Variants in SP2 observed in about 807,000 individuals in gnomAD.
The protein encoded by SP2 is transcription factor Sp2.
In SP2, 9 loss-of-function variants were observed where a neutral mutation model predicts 50.1. The observed-to-expected ratio is 0.18, with a 90% CI of 0.11 to 0.31. SP2 has a LOEUF of 0.31. Among genes scored for constraint, SP2 ranks in the 10% least tolerant of loss-of-function variants. SP2 has a pLI of 1.00. For synonymous variants in SP2, 313 were observed against 326.6 expected, an observed-to-expected ratio of 0.96 and a Z score of 0.45; for missense variants, 581 against 806.5, an observed-to-expected ratio of 0.72 and a Z score of 3.39.
At chr17:47,921,781 T>C (rs2035467339) in intron 3 of SP2, among the ~76,000 whole-genome samples, 1 of 152,238 alleles carries the variant, frequency 6.6e-6, no homozygotes, top group Non-Finnish European at 1.5e-5. Flanking sequence ...GGGTTCCTTT[T>C]AGTGGAGCAT....
At chr17:47,906,167 T>C (rs1465767751) in intron 1 of SP2, among the ~76,000 whole-genome samples, 2 of 152,186 alleles carry the variant, frequency 1.3e-5, no homozygotes, top group East Asian at 3.8e-4. Context: ...TTAGAGGCCG[T>C]AGGCAGTATC....
intron 1 of SP2, among the ~76,000 whole-genome samples, chr17:47,896,656 C>T (rs1326905681): frequency 6.6e-6 from 1 of 152,252 alleles, no homozygotes; most frequent in African/African-American, 2.4e-5. Flanking sequence ...CGAACTATGC[C>T]TGGGTCGGCT....
chr17:47,907,716 A>G (rs899721300), intron 1 of SP2, among the ~76,000 whole-genome samples: 1 of 152,278 alleles, frequency 6.6e-6, no homozygotes, highest in Admixed American at 6.5e-5. Flanking sequence ...GTATAAAACA[A>G]TTATTCTGAC....
At position 47,916,598 on chromosome 17, in the gene SP2, C is replaced by T. The variant is rs774739755; in HGVS notation, c.527C>T (p.Pro176Leu). 2 of 1,614,220 alleles carry T rather than the reference C, an allele frequency of 1.2e-6. No individual in the cohort carries two copies. Among genetic ancestry groups the T allele is most frequent in the Admixed American group, 3.3e-5 (2 of 60,022 alleles). ...ACCCCCTCACCGTCCAGTCACAAGC[C>T]TGTCCCCATCAAGCCAGCCCCCATC... ...IITPSPSSHKPVPIKPAPIQK... is the reference protein window; with the variant it reads ...IITPSPSSHKLVPIKPAPIQK... Residue 176 changes from proline (P) to leucine (L), a missense_variant, in exon 3 of 7, where the codon CCT (proline) becomes CTT (leucine). By Grantham distance (98) the Pro-to-Leu change is moderately conservative (BLOSUM62 -3). Around this residue, in one of 2 missense-constraint regions of SP2, gnomAD observed 397 missense variants for 491.0 expected, o/e 0.81. Transcript: ENST00000376741. This position sits in a 1 kb window ranked among gnomAD's most constrained non-coding sequence, Gnocchi z 4.7.
intron 1 of SP2, among the ~76,000 whole-genome samples, chr17:47,901,149 CT>C (rs201921974): frequency 4.4e-4 from 64 of 146,306 alleles, no homozygotes; most frequent in Admixed American, 4.1e-4. Context: ...CCTTCGTTAT[CT>C]TTTTTTTTTT....
downstream of SP2, chr17:47,929,965 T>A (rs1321064428): frequency 6.6e-6 from 1 of 152,238 alleles, no homozygotes; most frequent in South Asian, 2.1e-4. Flanking sequence ...CAGTCAACCC[T>A]CAAATGGCTG....
intron 4 of SP2, 84 bp downstream of exon 4, chr17:47,923,358 C>T: frequency 8.6e-7 from 1 of 1,161,040 alleles, no homozygotes; most frequent in Admixed American, 2.2e-5. Context: ...CCGGGATTTC[C>T]AGTAACAATA....
chr17:47,915,435 A>G, intron 2 of SP2, 47 bp downstream of exon 2: 1 of 1,275,256 alleles, frequency 7.8e-7, no homozygotes, highest in South Asian at 1.3e-5. Flanking sequence ...AGCATCCTGG[A>G]CAGACTCACC....
chr17:47,909,911 C>T (rs1301661278), intron 1 of SP2, among the ~76,000 whole-genome samples: 1 of 152,092 alleles, frequency 6.6e-6, no homozygotes. Flanking sequence ...GCAGTGGCAC[C>T]ATCTCGGCTC....
chr17:47,910,660 T>C (rs2034946237), intron 1 of SP2, among the ~76,000 whole-genome samples: 1 of 152,238 alleles, frequency 6.6e-6, no homozygotes. Context: ...TTGCTTTTCC[T>C]TGTAAGCATG....
At chr17:47,903,508 A>G (rs570287077) in intron 1 of SP2, among the ~76,000 whole-genome samples, 1 of 152,042 alleles carries the variant, frequency 6.6e-6, no homozygotes, top group Non-Finnish European at 1.5e-5. Context: ...TCTATTAAAA[A>G]TACAAAAAAT....
At position 47,923,539 on chromosome 17, in the gene SP2, C is replaced by T. The variant is rs114795514; in HGVS notation, c.1372+265C>T. 9.4e-3 allele frequency among the ~76,000 whole-genome samples: 1,434 copies of T among 152,306 alleles called. 20 individuals carry two copies. The highest frequency in any genetic ancestry group is 0.03 in the African/African-American group (1,255 of 41,564). ...TCCAACTGACATCCAAACGCAAAGA[C>T]GGCTTCTTGAAGGAGAAAGCCTTGC... is the stretch of plus-strand genomic sequence containing the variant. On this transcript the variant is annotated intron_variant, in intron 4 of 6. Coordinates refer to ENST00000376741, the MANE Select transcript of SP2 (RefSeq NM_003110.6).
chr17:47,902,226 G>T (rs2034570978), intron 1 of SP2, among the ~76,000 whole-genome samples: 1 of 152,158 alleles, frequency 6.6e-6, no homozygotes, highest in African/African-American at 2.4e-5. Context: ...TACTTGGTAT[G>T]TTCAGGAACA....
At chr17:47,897,948 T>G in intron 1 of SP2, 1 of 856,892 alleles carries the variant, frequency 1.2e-6, no homozygotes, top group Non-Finnish European at 1.4e-6. Context: ...TAATTCTAGT[T>G]CTTCCTCTTG....
chr17:47,901,487 T>C (rs1457735216), intron 1 of SP2, among the ~76,000 whole-genome samples: 1 of 152,014 alleles, frequency 6.6e-6, no homozygotes, highest in East Asian at 1.9e-4. Context: ...TGAGACAGAG[T>C]CTCGCTCTGT....
At chr17:47,909,444 G>T (rs2034895676) in intron 1 of SP2, among the ~76,000 whole-genome samples, 1 of 151,992 alleles carries the variant, frequency 6.6e-6, no homozygotes, top group Non-Finnish European at 1.5e-5. Flanking sequence ...TACAGACAAG[G>T]TTTCACCATG....
At chr17:47,906,251 T>C (rs1306431879) in intron 1 of SP2, among the ~76,000 whole-genome samples, 1 of 152,150 alleles carries the variant, frequency 6.6e-6, no homozygotes, top group Non-Finnish European at 1.5e-5. Flanking sequence ...GGTGGAATCA[T>C]GAGGACTTGA....
At chr17:47,896,455 C>A (rs1851129859) in intron 1 of SP2, 162 bp downstream of exon 1, 6 of 542,396 alleles carry the variant, frequency 1.1e-5, no homozygotes, top group Non-Finnish European at 1.7e-5. Flanking sequence ...AGGATTCCCG[C>A]CCGGAGGAGG....
chr17:47,906,079 G>T (rs925484049), intron 1 of SP2, among the ~76,000 whole-genome samples: 2 of 152,176 alleles, frequency 1.3e-5, no homozygotes, highest in Non-Finnish European at 1.5e-5. Context: ...AGCTGGATGG[G>T]ATTTGCACTT....
Sources: allele counts gnomAD v4.1 joint callset (sites outside exome capture counted in the v4.1 genomes callset), GRCh38; gene constraint gnomAD v4.1.1; regional missense constraint gnomAD v4.1.1; non-coding constraint Gnocchi (gnomAD v3.1); transcripts MANE v1.5; gene names NCBI Gene and HGNC (gene_info 2026-07-23, HGNC 2026-07-21).